The following WAPL variants were observed in gnomAD, a reference collection of about 807,000 sequenced individuals.
WAPL encodes the protein wings apart-like protein homolog.
Under a neutral mutation model 121.0 loss-of-function variants are expected in WAPL, and 5 were observed. The observed-to-expected ratio is 0.04, with a 90% CI of 0.02 to 0.09. The LOEUF is 0.09. Among genes scored for constraint, WAPL ranks in the 10% least tolerant of loss-of-function variants. WAPL has a pLI of 1.00. For synonymous variants in WAPL, 480 were observed against 481.5 expected (o/e 1.00, Z 0.04); for missense variants, 999 against 1,410.8 (o/e 0.71, Z 4.68).
In WAPL at chr10:86,508,275, T is replaced by C. The variant is rs906220562; in HGVS notation, c.500-7532A>G. Among the ~76,000 whole-genome samples the C allele has an allele frequency of 2.6e-5, 4 of 152,316 alleles. No homozygotes were observed. The East Asian group carries it at 7.7e-4, about 29-fold the overall frequency. ...AGTAATAACCTCTTTGGTCATTTTA[T>C]GGGATAAGGGAAAACACACTTTTAG... On this transcript the variant is annotated intron_variant, in intron 2 of 18. Transcript: ENST00000298767.
At chr10:86,460,578 A>T (rs1228740111) in intron 10 of WAPL, 82 bp from the exon 11 acceptor site, 1 of 1,084,142 alleles carries the variant, frequency 9.2e-7, no homozygotes, top group Non-Finnish European at 1.4e-6. Flanking sequence ...ATTAGAAGCC[A>T]TCTGTACACA....
chr10:86,481,171 A>C (rs934220686), intron 4 of WAPL, among the ~76,000 whole-genome samples: 7 of 152,324 alleles, frequency 4.6e-5, no homozygotes, highest in African/African-American at 1.7e-4. Context: ...AAACAATTTA[A>C]AAGATATAAA....
chr10:86,469,189 A>G (rs1841473102), intron 8 of WAPL, among the ~76,000 whole-genome samples: 1 of 109,236 alleles, frequency 9.2e-6, no homozygotes, highest in South Asian at 3.3e-4. Flanking sequence ...TGGGAGGGTG[A>G]GTTGTGAGGA....
intron 4 of WAPL, among the ~76,000 whole-genome samples, chr10:86,483,074 T>A (rs1322932853): frequency 1.3e-5 from 2 of 152,212 alleles, no homozygotes. Flanking sequence ...AGGCGAGTGT[T>A]TGTAGTGATG....
At chr10:86,443,248 T>C (rs371059481) in intron 17 of WAPL, 27 bp downstream of exon 17, 35 of 1,554,412 alleles carry the variant, frequency 2.3e-5, no homozygotes, top group Non-Finnish European at 3.0e-5. Context: ...CAAAGATACA[T>C]AAAACATCAC....
intron 8 of WAPL, among the ~76,000 whole-genome samples, chr10:86,468,748 G>A (rs1841460627): frequency 6.6e-6 from 1 of 151,628 alleles, no homozygotes; most frequent in Non-Finnish European, 1.5e-5. Context: ...CAGATCACCT[G>A]AGGTAAGGTG....
In WAPL at chr10:86,462,099, C is replaced by A. The variant is rs559389314; in HGVS notation, c.2371-812G>T. On this transcript the variant is annotated intron_variant, in intron 9 of 18. Transcript: ENST00000298767. Reference sequence around the variant, plus strand: ...CACAACCTGAGTAAAGTTTTTATTGCCCTTTATTTCACTTTGGCTGTTGTT... The same window carrying A: ...CACAACCTGAGTAAAGTTTTTATTGACCTTTATTTCACTTTGGCTGTTGTT... 4.6e-5 allele frequency among the ~76,000 whole-genome samples: 7 copies of A among 152,282 alleles called. No individual in the cohort carries two copies. In the South Asian group the frequency reaches 1.5e-3, roughly 32 times the overall value.
intron 2 of WAPL, among the ~76,000 whole-genome samples, chr10:86,514,833 A>G (rs976983993): frequency 1.3e-5 from 2 of 152,342 alleles, no homozygotes; most frequent in South Asian, 2.1e-4. Context: ...CTGCCTGCCA[A>G]TGATGCCCCA....
chr10:86,437,783 G>A, intron 18 of WAPL, 137 bp downstream of exon 18: 1 of 943,526 alleles, frequency 1.1e-6, no homozygotes, highest in Middle Eastern at 2.9e-4. Flanking sequence ...TGATTACCTT[G>A]AAGAAATAGA....
In WAPL at chr10:86,462,136, A is replaced by G. The variant is rs181570697; in HGVS notation, c.2371-849T>C. Among the ~76,000 whole-genome samples, 971 of 152,272 alleles carry G rather than the reference A, an allele frequency of 6.4e-3. 5 individuals carry two copies. The highest frequency in any genetic ancestry group is 0.02 in the African/African-American group (847 of 41,560). ...CTTTGGCTGTTGTTTTTCTTTTTAA[A>G]GCAGACAGCCACTTCCCAACAAAGA... On this transcript the variant is annotated intron_variant, in intron 9 of 18. Coordinates refer to ENST00000298767, the MANE Select transcript of WAPL (RefSeq NM_015045.5).
At chr10:86,452,643 G>A (rs566421791) in intron 14 of WAPL, among the ~76,000 whole-genome samples, 2 of 151,642 alleles carry the variant, frequency 1.3e-5, no homozygotes, top group African/African-American at 2.4e-5. Flanking sequence ...AAAAACCACC[G>A]ATTTTCCCAA....
intron 2 of WAPL, among the ~76,000 whole-genome samples, chr10:86,507,022 A>G (rs1420421540): frequency 6.6e-6 from 1 of 151,638 alleles, no homozygotes; most frequent in African/African-American, 2.4e-5. Flanking sequence ...AGACTAAACA[A>G]ATAATAATAA....
At position 86,500,630 on chromosome 10, in the gene WAPL, T is replaced by C; in HGVS notation, c.613A>G (p.Lys205Glu). The stretch of plus-strand genomic sequence containing the variant: ...GAGTTCCAAGTATCATTTGTTTCCT[T>C]GATTTCAGAAGCCACTGTAGTTTCT... ...NAETTVASEI[K>E]ETNDTWNSQF... The change falls in exon 3 of 19, where the codon AAG (lysine) becomes GAG (glutamate). Residue 205 changes from lysine (K) to glutamate (E), a missense_variant. This residue lies in a region of WAPL where 531 missense variants were observed against 563.1 expected (regional missense o/e 0.94). Transcript: ENST00000298767. 7 of 1,614,148 alleles carry C rather than the reference T, an allele frequency of 4.3e-6. No homozygotes were observed. Among genetic ancestry groups the C allele is most frequent in the Non-Finnish European group, 5.9e-6 (7 of 1,180,024 alleles).
chr10:86,477,301 A>C (rs1033601189), intron 4 of WAPL, among the ~76,000 whole-genome samples: 3 of 152,234 alleles, frequency 2.0e-5, no homozygotes, highest in African/African-American at 7.2e-5. Context: ...TATGTAAAGC[A>C]CAAAACAGTG....
At chr10:86,445,335 G>A (rs1324412033) in intron 16 of WAPL, among the ~76,000 whole-genome samples, 1 of 152,012 alleles carries the variant, frequency 6.6e-6, no homozygotes, top group Non-Finnish European at 1.5e-5. Flanking sequence ...TTGATTTGTG[G>A]TTGGCTGACT....
intron 2 of WAPL, among the ~76,000 whole-genome samples, chr10:86,507,974 T>C (rs1208613603): frequency 1.3e-5 from 2 of 152,198 alleles, no homozygotes; most frequent in African/African-American, 4.8e-5. Flanking sequence ...AAAATGTCTA[T>C]TGAGGACAAT....
At chr10:86,440,023 T>C (rs1447237334) in intron 17 of WAPL, among the ~76,000 whole-genome samples, 1 of 152,184 alleles carries the variant, frequency 6.6e-6, no homozygotes, top group African/African-American at 2.4e-5. Flanking sequence ...ATCATAATAA[T>C]CTCCAAGGCA....
chr10:86,497,522 G>C (rs904482719), intron 3 of WAPL, among the ~76,000 whole-genome samples: 6 of 152,120 alleles, frequency 3.9e-5, no homozygotes, highest in African/African-American at 1.4e-4. Flanking sequence ...CCTCCCGCAA[G>C]AGAAATCATA....
chr10:86,500,658 A>T lies in WAPL; in HGVS notation c.585T>A (p.Asn195Lys). ...KNADDSTKKP[N>K]AETTVASEIK... The stretch of plus-strand genomic sequence containing the variant: ...TTTCAGAAGCCACTGTAGTTTCTGC[A>T]TTGGGTTTCTTAGTACTGTCATCAG... Residue 195 changes from asparagine (N) to lysine (K), a missense_variant, in exon 3 of 19, where the codon AAT becomes AAA. Asn to Lys is a moderately conservative substitution (Grantham distance 94). Transcript: ENST00000298767. 6.2e-7 allele frequency: 1 copy of T among 1,613,606 alleles called. No individual in the cohort carries two copies. The highest frequency in any genetic ancestry group is 8.5e-7 in the Non-Finnish European group (1 of 1,179,886).
Sources: allele counts gnomAD v4.1 joint callset (sites outside exome capture counted in the v4.1 genomes callset), GRCh38; gene constraint gnomAD v4.1.1; regional missense constraint gnomAD v4.1.1; transcripts MANE v1.5; gene names NCBI Gene and HGNC (gene_info 2026-07-23, HGNC 2026-07-21).